Variants in ST7L observed in about 807,000 individuals in gnomAD.
ST7L encodes suppressor of tumorigenicity 7 protein-like.
Under a neutral mutation model 72.5 loss-of-function variants are expected in ST7L, and 57 were observed. The ratio of observed to expected loss-of-function variants is 0.79; its 90% CI spans 0.64 to 0.98. ST7L has a LOEUF of 0.98. ST7L is among the 50% of genes least tolerant of loss of function. ST7L has a pLI of 0.00. For missense variants in ST7L, 576 were observed against 672.2 expected, an observed-to-expected ratio of 0.86 and a Z score of 1.58; for synonymous variants, 221 against 240.9, an observed-to-expected ratio of 0.92 and a Z score of 0.77.
At chr1:112,529,359 C>T (rs1653994677) in intron 14 of ST7L, 1 of 152,094 alleles carries the variant, frequency 6.6e-6, no homozygotes, top group South Asian at 2.1e-4. Context: ...TTCTGAAACC[C>T]TTCACAAAAG....
chr1:112,556,992 A>C (rs1400219780), intron 11 of ST7L, among the ~76,000 whole-genome samples: 2 of 143,472 alleles, frequency 1.4e-5, no homozygotes, highest in African/African-American at 2.8e-5. Flanking sequence ...AAACAAAAAA[A>C]AAAAAACACA....
chr1:112,611,198 C>T (rs1042686606), intron 2 of ST7L, among the ~76,000 whole-genome samples, 195 bp from the exon 3 acceptor site: 4 of 152,260 alleles, frequency 2.6e-5, no homozygotes, highest in African/African-American at 9.6e-5. Context: ...TTTATAGTTC[C>T]GTCATAAAAT....
intron 5 of ST7L, among the ~76,000 whole-genome samples, chr1:112,593,605 T>C (rs1666006328): frequency 6.6e-6 from 1 of 152,162 alleles, no homozygotes; most frequent in South Asian, 2.1e-4. Context: ...ATCTTATTAC[T>C]GTCAAGTGTA....
rs1469001537 is a variant in ST7L at position 112,550,679 on chromosome 1, G to T, written c.1411C>A (p.Pro471Thr). Residue 471 changes from proline to threonine, a missense_variant, in exon 13 of 15, where the codon CCA becomes ACA. Coordinates refer to ENST00000358039, the MANE Select transcript of ST7L (RefSeq NM_017744.5). ...CTWEGTFRMIPYPLEKGHLFY... is the reference protein window; with the variant it reads ...CTWEGTFRMITYPLEKGHLFY... ...AGATGTCCTTTCTCTAACGGGTATG[G>T]AATCATTCTAAAAGCTGAGGAAAAA... 1.2e-6 allele frequency: 2 copies of T among 1,612,538 alleles called. No homozygotes were observed. The highest frequency in any genetic ancestry group is 3.3e-5 in the Admixed American group (2 of 59,968).
intron 9 of ST7L, among the ~76,000 whole-genome samples, chr1:112,580,913 G>A (rs1664007691): frequency 6.6e-6 from 1 of 152,200 alleles, no homozygotes; most frequent in African/African-American, 2.4e-5. Flanking sequence ...AGGCGACAGA[G>A]TGAGACTCTG....
intron 3 of ST7L, among the ~76,000 whole-genome samples, chr1:112,602,713 C>CTTTTTTTTTTT (rs35617753): frequency 4.1e-5 from 5 of 120,498 alleles, no homozygotes; most frequent in Non-Finnish European, 6.8e-5. Flanking sequence ...CATTTTCTTT[C>CTTTTTTTTTTT]TTTTTTTTTT....
At chr1:112,535,023 C>T (rs1307125760) in intron 14 of ST7L, among the ~76,000 whole-genome samples, 1 of 152,152 alleles carries the variant, frequency 6.6e-6, no homozygotes, top group Non-Finnish European at 1.5e-5. Flanking sequence ...AGGATACTTT[C>T]TACCAACTTT....
At chr1:112,613,273 T>G (rs1669351816) in intron 2 of ST7L, among the ~76,000 whole-genome samples, 2 of 152,198 alleles carry the variant, frequency 1.3e-5, no homozygotes, top group African/African-American at 4.8e-5. Context: ...TGAACAATGG[T>G]AATAATAACT....
At chr1:112,556,985 C>CAAAAAAAAAAAAAAAAAAAAAA (rs1196828305) in intron 11 of ST7L, among the ~76,000 whole-genome samples, 9 of 82,102 alleles carry the variant, frequency 1.1e-4, no homozygotes, top group Admixed American at 1.5e-4. Flanking sequence ...AAAAAAAAAA[C>CAAAAAAAAAAAAAAAAAAAAAA]AAAAAAAAAA....
At chr1:112,596,643 C>CT (rs113720593) in intron 5 of ST7L, among the ~76,000 whole-genome samples, 3,029 of 147,134 alleles carry the variant, frequency 0.021, 101 homozygotes, top group African/African-American at 0.07. Flanking sequence ...TTCATTCATA[C>CT]TTTTTTTTTT....
chr1:112,619,186 T>G, upstream of ST7L: 1 of 1,462,154 alleles, frequency 6.8e-7, no homozygotes. Flanking sequence ...AATCCTGGGA[T>G]AGTGGCGGAC....
At chr1:112,553,460 G>A (rs549988081) in intron 12 of ST7L, among the ~76,000 whole-genome samples, 1 of 152,130 alleles carries the variant, frequency 6.6e-6, no homozygotes, top group Admixed American at 6.5e-5. Context: ...TTCCAAAATT[G>A]GTTCAAGATA....
Position 112,578,414 on chromosome 1 carries a change from A to G in ST7L, c.1073T>C (p.Ile358Thr), listed in dbSNP as rs758514739. 5 of 1,613,866 alleles carry G rather than the reference A, an allele frequency of 3.1e-6. No individual in the cohort carries two copies. The highest frequency in any genetic ancestry group is 2.7e-5 in the African/African-American group (2 of 74,934). ...GATTGCTGCTGACTTTGGAAGGCTT[A>G]TATCTGTAACGATAATTTTCAATTT... ...VQAVLAKYDDISLPKSAAICY... is the reference protein window; with the variant it reads ...VQAVLAKYDDTSLPKSAAICY... The change falls in exon 10 of 15, where the codon ATA becomes ACA. Residue 358 changes from isoleucine (I) to threonine (T), a missense_variant. By Grantham distance (89) the Ile-to-Thr change is moderately conservative. Transcript: ENST00000358039.
In ST7L at chr1:112,555,971, C is replaced by T. The variant is rs200916447; in HGVS notation, c.1293G>A (p.Leu431=). 6 of 1,611,362 alleles carry T rather than the reference C, an allele frequency of 3.7e-6. No homozygotes were observed. The African/African-American group carries it at 5.3e-5, about 14-fold the overall frequency. ...CAATTGCTTCACTATCACCCCGTTT[C>T]AGAATGTGTTCTGGAGGTAAAATTA... ...KSLILPPEHI[L]KRGDSEAIAY... is the part of the protein sequence containing the mutation. Residue 431 remains leucine, a synonymous_variant, in exon 12 of 15, where the codon CTG becomes CTA. Coordinates refer to ENST00000358039, the MANE Select transcript of ST7L (RefSeq NM_017744.5).
At chr1:112,605,645 A>G (rs12118370) in intron 3 of ST7L, among the ~76,000 whole-genome samples, 35,775 of 151,078 alleles carry the variant, frequency 0.24, 4,362 homozygotes, top group Middle Eastern at 0.27. Context: ...AGTCGAGATC[A>G]CGCCACTGCA....
At chr1:112,544,095 A>T (rs7549547) in intron 13 of ST7L, among the ~76,000 whole-genome samples, 32,729 of 152,076 alleles carry the variant, frequency 0.22, 3,727 homozygotes, top group Middle Eastern at 0.26. Flanking sequence ...AGAGTACTTA[A>T]CATGCAGTAG....
At chr1:112,595,447 T>C (rs554879325) in intron 5 of ST7L, among the ~76,000 whole-genome samples, 1 of 150,976 alleles carries the variant, frequency 6.6e-6, no homozygotes, top group East Asian at 2.0e-4. Context: ...TTTTTAGATA[T>C]AGGGTCTTTG....
Position 112,584,147 on chromosome 1 carries a change from CA to C in ST7L, c.702-22del, listed in dbSNP as rs1230450229. 2.5e-6 allele frequency: 4 copies of C among 1,601,664 alleles called. No homozygotes were observed. In the Admixed American group the frequency reaches 5.2e-5, roughly 21 times the overall value. ...CACAGCTATGAAGAAAGCAAGAAGG[CA>C]ATTTTAAATAAAATGGTAAAGCAAG... On this transcript the variant is annotated intron_variant, in intron 6 of 14. Coordinates refer to ENST00000358039, the MANE Select transcript of ST7L (RefSeq NM_017744.5).
At chr1:112,548,314 G>A (rs997283716) in intron 13 of ST7L, among the ~76,000 whole-genome samples, 1 of 152,214 alleles carries the variant, frequency 6.6e-6, no homozygotes, top group Admixed American at 6.5e-5. Flanking sequence ...GCCGAGATCA[G>A]ACCATTGCAC....
Sources: gnomAD v4.1 joint callset for allele counts (sites outside exome capture counted in the v4.1 genomes callset) on GRCh38, gnomAD v4.1.1 for gene constraint, MANE v1.5 for transcripts, NCBI Gene and HGNC (gene_info 2026-07-23, HGNC 2026-07-21) for gene names.